MLIP: variants seen among roughly 807,000 people sequenced by gnomAD.
MLIP encodes the protein muscular LMNA-interacting protein.
A neutral mutation model predicts 84.8 loss-of-function variants in MLIP; 79 were observed. The ratio of observed to expected loss-of-function variants is 0.93; its 90% confidence interval spans 0.78 to 1.12. MLIP has a LOEUF of 1.12. Among genes scored for constraint, MLIP ranks in the 50% most tolerant of loss-of-function variants. The pLI, the probability that MLIP is intolerant of heterozygous loss-of-function variation, is 0.00. For missense variants in MLIP, 1,257 were observed against 1,160.6 expected, an observed-to-expected ratio of 1.08 and a Z score of -1.21; for synonymous variants, 504 against 463.0, an observed-to-expected ratio of 1.09 and a Z score of -1.14.
chr6:54,118,707 C>T (rs1383983026), intron 1 of MLIP, among the ~76,000 whole-genome samples: 1 of 151,942 alleles, frequency 6.6e-6, no homozygotes, highest in African/African-American at 2.4e-5. Flanking sequence ...GCAAGGGAAA[C>T]AATCAACAGA....
intron 11 of MLIP, among the ~76,000 whole-genome samples, chr6:54,211,225 C>T (rs112666201): frequency 3.2e-4 from 48 of 151,768 alleles, no homozygotes; most frequent in African/African-American, 1.1e-3. Flanking sequence ...GACTCTGTAC[C>T]GAAAAATAAA....
chr6:54,115,399 G>A (rs1031952219), intron 1 of MLIP, among the ~76,000 whole-genome samples: 6 of 152,156 alleles, frequency 3.9e-5, no homozygotes, highest in African/African-American at 1.2e-4. Flanking sequence ...AGAATCAGTA[G>A]ATTTAAATCA....
intron 1 of MLIP, among the ~76,000 whole-genome samples, chr6:54,095,100 C>G (rs945459730): frequency 2.6e-5 from 4 of 152,116 alleles, no homozygotes; most frequent in Admixed American, 2.0e-4. Flanking sequence ...AAGTAGCTAT[C>G]GTCATAGCAG....
chr6:54,021,946 T>C (rs1179814318), intron 1 of MLIP, among the ~76,000 whole-genome samples: 3 of 152,222 alleles, frequency 2.0e-5, no homozygotes, highest in Non-Finnish European at 2.9e-5. Context: ...ATCTTAGTCA[T>C]TGATTCTGCT....
chr6:54,241,327 G>A (rs1171252303), intron 12 of MLIP, among the ~76,000 whole-genome samples: 1 of 151,380 alleles, frequency 6.6e-6, no homozygotes, highest in African/African-American at 2.4e-5. Context: ...CTATAATATA[G>A]TATATACTGT....
At chr6:54,083,745 C>A in intron 1 of MLIP, 1 of 1,048,694 alleles carries the variant, frequency 9.5e-7, no homozygotes. Flanking sequence ...TTTTAGGTGG[C>A]ATGGCTGTTT....
intron 9 of MLIP, among the ~76,000 whole-genome samples, chr6:54,181,403 C>G (rs1776852530): frequency 2.3e-4 from 2 of 8,578 alleles, no homozygotes; most frequent in South Asian, 0.077. Context: ...AGGGACTCAC[C>G]CTTCAGGCAA....
intron 1 of MLIP, among the ~76,000 whole-genome samples, chr6:54,100,026 T>C (rs2150387270): frequency 6.6e-6 from 1 of 152,286 alleles, no homozygotes; most frequent in Middle Eastern, 3.4e-3. Context: ...CTGGCATGCA[T>C]TGGTTCTACG....
chr6:54,265,847 T>C, intron 13 of MLIP, 103 bp from the exon 14 acceptor site: 1 of 1,086,260 alleles, frequency 9.2e-7, no homozygotes, highest in Non-Finnish European at 1.4e-6. Context: ...TAAACCATTT[T>C]TTTGTAGGAG....
At chr6:54,163,390 T>G (rs182215925) in intron 8 of MLIP, among the ~76,000 whole-genome samples, 19 of 151,992 alleles carry the variant, frequency 1.3e-4, no homozygotes, top group Admixed American at 3.9e-4. Flanking sequence ...TTAGGGTGAA[T>G]TTTTGCTATC....
chr6:54,131,004 C>T (rs1172252666), intron 3 of MLIP, among the ~76,000 whole-genome samples: 2 of 152,076 alleles, frequency 1.3e-5, no homozygotes, highest in Non-Finnish European at 1.5e-5. Flanking sequence ...GATTCAAGTG[C>T]CTGTTGGGTT....
At chr6:54,062,053 G>T (rs930196829) in intron 1 of MLIP, among the ~76,000 whole-genome samples, 3 of 152,108 alleles carry the variant, frequency 2.0e-5, no homozygotes, top group Admixed American at 6.5e-5. Flanking sequence ...CTGCTGACCT[G>T]ATTTTACATT....
At chr6:54,090,773 A>C (rs572107461) in intron 1 of MLIP, among the ~76,000 whole-genome samples, 2 of 152,148 alleles carry the variant, frequency 1.3e-5, no homozygotes, top group South Asian at 4.1e-4. Flanking sequence ...ATTCATAAGC[A>C]ATCCTAAAGT....
intron 1 of MLIP, among the ~76,000 whole-genome samples, chr6:54,023,841 A>G (rs1166571648): frequency 6.6e-6 from 1 of 152,154 alleles, no homozygotes; most frequent in Non-Finnish European, 1.5e-5. Flanking sequence ...AAGTGATAGG[A>G]TTACAGGCGA....
chr6:54,190,710 T>C (rs540163974), intron 10 of MLIP, among the ~76,000 whole-genome samples: 2 of 152,222 alleles, frequency 1.3e-5, no homozygotes, highest in African/African-American at 4.8e-5. Flanking sequence ...TTTTATCTTA[T>C]AGAGTTTTGT....
At position 54,098,152 on chromosome 6, in the gene MLIP, T is replaced by C. The variant is rs1280943; in HGVS notation, c.64-23295T>C. Among the ~76,000 whole-genome samples, 175 of 37,926 alleles carry C rather than the reference T, an allele frequency of 4.6e-3. 2 individuals carry two copies. Among genetic ancestry groups the C allele is most frequent in the East Asian group, 0.019 (15 of 780 alleles). 24.9% of individuals were successfully genotyped at this position (37,926 alleles called of 152,430 possible). ...AAGTCTTGGGGATTTTTCTTTCTTTTTTTTTTTTTTTTTTTTTGTTAGAGA... is the reference window on the plus strand; with the variant it reads ...AAGTCTTGGGGATTTTTCTTTCTTTCTTTTTTTTTTTTTTTTTGTTAGAGA... On this transcript the variant is annotated intron_variant, in intron 1 of 12. Coordinates refer to the MLIP transcript ENST00000274897.
chr6:54,075,103 A>G (rs1018370828), intron 1 of MLIP, among the ~76,000 whole-genome samples: 4 of 151,830 alleles, frequency 2.6e-5, no homozygotes, highest in Admixed American at 2.6e-4. Context: ...CAAAATTAGC[A>G]TGGCGTGGTG....
At position 54,069,275 on chromosome 6, in the gene MLIP, A is replaced by G. The variant is rs1766354026; in HGVS notation, c.63+50184A>G. 2.0e-5 allele frequency among the ~76,000 whole-genome samples: 2 copies of G among 101,700 alleles called. 1 individual carries two copies. The allele number at this position is 101,700 out of a possible 152,430, so 66.7% of individuals were successfully genotyped here. A position where few individuals can be genotyped will look rare whatever the true frequency, so the allele number is the denominator to read the frequency against. On this transcript the variant is annotated intron_variant, in intron 1 of 12. Coordinates refer to the MLIP transcript ENST00000274897. ...TCTTGAGATAATTTTGAGATTATTCAGAGAATGGTATGCTTTTCCTCCCAA... is the reference window on the plus strand; with the variant it reads ...TCTTGAGATAATTTTGAGATTATTCGGAGAATGGTATGCTTTTCCTCCCAA...
At chr6:54,239,088 A>T (rs978055219) in intron 12 of MLIP, among the ~76,000 whole-genome samples, 1 of 152,036 alleles carries the variant, frequency 6.6e-6, no homozygotes, top group Non-Finnish European at 1.5e-5. Flanking sequence ...TTCCATTTGC[A>T]TATTTCAGTA....
Sources: gnomAD v4.1 joint callset for allele counts (sites outside exome capture counted in the v4.1 genomes callset) on GRCh38, gnomAD v4.1.1 for gene constraint, MANE v1.5 for transcripts, NCBI Gene and HGNC (gene_info 2026-07-23, HGNC 2026-07-21) for gene names.